TRIM5: variants seen among roughly 807,000 people sequenced by gnomAD.
TRIM5 encodes tripartite motif-containing protein 5.
TRIM5 carries 31 observed loss-of-function variants against 35.6 expected under a neutral mutation model. The observed-to-expected ratio is 0.87, with a 90% CI of 0.65 to 1.18. The LOEUF (loss-of-function observed/expected upper bound fraction) is 1.18. TRIM5 is among the 50% of genes most tolerant of loss of function. TRIM5 has a pLI of 0.00. For missense variants in TRIM5, 609 were observed against 591.6 expected (o/e 1.03, Z -0.31); for synonymous variants, 243 against 215.6 (o/e 1.13, Z -1.11).
the TRIM5 span, chr11:5,634,490 A>AAC: frequency 2.8e-6 from 1 of 358,322 alleles, no homozygotes; most frequent in Non-Finnish European, 4.1e-6. Context: ...AGATAATATA[A>AAC]ATACACACAC....
chr11:5,666,544 C>T (rs1255427380), intron 5 of TRIM5, among the ~76,000 whole-genome samples: 1 of 152,196 alleles, frequency 6.6e-6, no homozygotes, highest in African/African-American at 2.4e-5. Context: ...GTGTTTGACA[C>T]ATATCAAGAG....
At chr11:5,620,407 T>C in the TRIM5 span, among the ~76,000 whole-genome samples, 2 of 151,414 alleles carry the variant, frequency 1.3e-5, no homozygotes, top group Non-Finnish European at 2.9e-5. Flanking sequence ...TCGAATTCCT[T>C]GGCCAGACTG....
At chr11:5,635,082 T>C in the TRIM5 span, among the ~76,000 whole-genome samples, 1 of 152,286 alleles carries the variant, frequency 6.6e-6, no homozygotes, top group Middle Eastern at 3.4e-3. Flanking sequence ...AGTTATAGTC[T>C]CTAGGCCCCT....
chr11:5,599,610 A>G, the TRIM5 span, among the ~76,000 whole-genome samples: 1 of 152,054 alleles, frequency 6.6e-6, no homozygotes, highest in Non-Finnish European at 1.5e-5. Context: ...TCACCGTGTT[A>G]GCCAGGATGG....
the TRIM5 span, among the ~76,000 whole-genome samples, chr11:5,600,809 T>G: frequency 6.6e-6 from 1 of 152,146 alleles, no homozygotes; most frequent in Non-Finnish European, 1.5e-5. Context: ...AGGTCACGCC[T>G]GGAACCAGGG....
chr11:5,620,985 T>C, the TRIM5 span, among the ~76,000 whole-genome samples: 904 of 152,296 alleles, frequency 5.9e-3, 6 homozygotes, highest in African/African-American at 0.021. Context: ...TACTAGAATA[T>C]TTTTAGTCCC....
the TRIM5 span, among the ~76,000 whole-genome samples, chr11:5,607,205 A>AC: frequency 2.7e-5 from 4 of 150,886 alleles, no homozygotes; most frequent in African/African-American, 9.7e-5. Flanking sequence ...CTCCATCTCA[A>AC]AAAAAAAAAA....
the TRIM5 span, among the ~76,000 whole-genome samples, chr11:5,604,949 G>A: frequency 6.6e-6 from 1 of 152,164 alleles, no homozygotes; most frequent in African/African-American, 2.4e-5. Flanking sequence ...CAAATGCAAG[G>A]GAAAATGCAG....
intron 5 of TRIM5, 39 bp from the exon 6 acceptor site, chr11:5,666,120 T>G (rs1851120150): frequency 6.5e-7 from 1 of 1,528,008 alleles, no homozygotes. Flanking sequence ...TCCAAACCTT[T>G]GACCTTGTGT....
chr11:5,653,213 C>A, the TRIM5 span, among the ~76,000 whole-genome samples: 1 of 152,114 alleles, frequency 6.6e-6, no homozygotes, highest in Non-Finnish European at 1.5e-5. Flanking sequence ...CATCTCCCTG[C>A]GTAACTGTAT....
chr11:5,603,161 C>T, the TRIM5 span: 4 of 1,528,336 alleles, frequency 2.6e-6, no homozygotes, highest in South Asian at 5.2e-5. Context: ...TGTCTGACCT[C>T]TTTATCCAGG....
intron 4 of TRIM5, among the ~76,000 whole-genome samples, chr11:5,676,404 G>A (rs563907824): frequency 3.9e-5 from 6 of 152,078 alleles, no homozygotes; most frequent in African/African-American, 9.6e-5. Context: ...TACAAGGGAC[G>A]TGAAGGACTT....
the TRIM5 span, among the ~76,000 whole-genome samples, chr11:5,601,272 C>CCCTGGAAAGGTTAGGT: frequency 3.9e-5 from 6 of 152,146 alleles, no homozygotes; most frequent in African/African-American, 1.4e-4. Context: ...TGAACTAGCA[C>CCCTGGAAAGGTTAGGT]CCTGGAAAGG....
In TRIM5 at chr11:5,664,186, A is replaced by T. The variant is rs1850952528; in HGVS notation, c.*623T>A. ...ATTGCACTCCAGCCTGGGGAACAAGAGCAAAACTTCATCTCAAAAAAAAAA... is the reference window on the plus strand; with the variant it reads ...ATTGCACTCCAGCCTGGGGAACAAGTGCAAAACTTCATCTCAAAAAAAAAA... On this transcript the variant is annotated 3_prime_UTR_variant, in exon 8 of 8. Transcript: ENST00000380034. 6 of 877,816 alleles carry T rather than the reference A, an allele frequency of 6.8e-6. No homozygotes were observed. Among genetic ancestry groups the T allele is most frequent in the Non-Finnish European group, 8.1e-6 (6 of 742,664 alleles). 54.4% of individuals were successfully genotyped at this position (877,816 alleles called of 1,614,324 possible). A position where few individuals can be genotyped will look rare whatever the true frequency, so the allele number is the denominator to read the frequency against.
chr11:5,664,762 C>A lies in TRIM5; in HGVS notation c.*47G>T. The A allele has an allele frequency of 6.6e-7, 1 of 1,524,388 alleles. No individual in the cohort carries two copies. Among genetic ancestry groups the A allele is most frequent in the Non-Finnish European group, 8.8e-7 (1 of 1,141,246 alleles). The allele number at this position is 1,524,388 out of a possible 1,614,324, so 94.4% of individuals were successfully genotyped here. On this transcript the variant is annotated 3_prime_UTR_variant, in exon 8 of 8. Coordinates refer to ENST00000380034, the MANE Select transcript of TRIM5 (RefSeq NM_033034.3). ...AATGAGTTCAGGTGTATGAGATGCA[C>A]CTGGACAAGAGGTGCTGTACAGAAG...
chr11:5,596,727 G>C, the TRIM5 span: 3 of 1,008,604 alleles, frequency 3.0e-6, 1 homozygote, highest in South Asian at 2.8e-5. Flanking sequence ...GGGATCCCCT[G>C]CCTTTCTCGG....
chr11:5,657,655 A>G, the TRIM5 span, among the ~76,000 whole-genome samples: 1 of 118,350 alleles, frequency 8.4e-6, no homozygotes, highest in Non-Finnish European at 1.7e-5. Context: ...TATATTATAT[A>G]TAATATATAT....
chr11:5,665,013 A>G lies in TRIM5; in HGVS notation c.1278T>C (p.Ile426=). 1.2e-6 allele frequency: 2 copies of G among 1,614,208 alleles called. No individual in the cohort carries two copies. The highest frequency in any genetic ancestry group is 1.1e-5 in the South Asian group (1 of 91,082). The change falls in exon 8 of 8, where the codon ATT becomes ATC. Residue 426 remains isoleucine, a synonymous_variant. Coordinates refer to ENST00000380034, the MANE Select transcript of TRIM5 (RefSeq NM_033034.3). ...SSFHTPSVPF[I]VPLSVIICPD... ...GACAAATAATCACAGAGAGGGGCAC[A>G]ATGAAAGGAACAGAAGGAGTATGGA...
the TRIM5 span, chr11:5,608,377 G>A: frequency 0.26 from 421,531 of 1,611,956 alleles, 60,419 homozygotes; most frequent in African/African-American, 0.52. Context: ...CCTAGGATGT[G>A]AGTGATGTCA....
Sources: allele counts gnomAD v4.1 joint callset (sites outside exome capture counted in the v4.1 genomes callset), GRCh38; gene constraint gnomAD v4.1.1; transcripts MANE v1.5; gene names NCBI Gene and HGNC (gene_info 2026-07-23, HGNC 2026-07-21).